DACH2: variants seen among roughly 807,000 people sequenced by gnomAD.
DACH2 encodes the protein dachshund family transcription factor 2.
In DACH2, 17 loss-of-function variants were observed where a neutral mutation model predicts 35.8. The observed-to-expected ratio is 0.48, with a 90% confidence interval of 0.33 to 0.71. The LOEUF is 0.71. Among genes scored for constraint, DACH2 ranks in the 30% least tolerant of loss-of-function variants. DACH2 has a pLI of 0.02. For synonymous variants in DACH2, 195 were observed against 177.3 expected (o/e 1.10, Z -0.79); for missense variants, 469 against 472.7 (o/e 0.99, Z 0.07).
intron 2 of DACH2, among the ~76,000 whole-genome samples, chrX:86,467,299 G>A (rs1400588112): frequency 1.8e-5 from 2 of 111,097 alleles, no homozygotes; most frequent in Non-Finnish European, 3.8e-5. Flanking sequence ...TAGGGCAGGG[G>A]CAACATGCTG....
chrX:86,189,370 G>C (rs773932734), intron 1 of DACH2, among the ~76,000 whole-genome samples: 1 of 111,785 alleles, frequency 8.9e-6, no homozygotes, highest in African/African-American at 3.3e-5. Flanking sequence ...TGGTGTGTTT[G>C]GGGGTGTTTG....
At chrX:86,207,487 C>T (rs2032341631) in intron 1 of DACH2, among the ~76,000 whole-genome samples, 1 of 110,629 alleles carries the variant, frequency 9.0e-6, no homozygotes, top group Admixed American at 9.7e-5. Context: ...GTGATTATTA[C>T]ACATTGTGTG....
At chrX:86,437,094 C>A (rs984305822) in intron 2 of DACH2, among the ~76,000 whole-genome samples, 3 of 111,142 alleles carry the variant, frequency 2.7e-5, no homozygotes, top group Non-Finnish European at 5.7e-5. Context: ...CCAGAAACAG[C>A]TTTTCTATTC....
At chrX:86,502,615 G>A (rs975710753) in intron 2 of DACH2, among the ~76,000 whole-genome samples, 5 of 112,029 alleles carry the variant, frequency 4.5e-5, no homozygotes, top group African/African-American at 1.6e-4. Context: ...ATATAAAGGT[G>A]TATTTTTATC....
chrX:86,405,062 G>A (rs1260226731), intron 2 of DACH2, among the ~76,000 whole-genome samples: 1 of 111,402 alleles, frequency 9.0e-6, no homozygotes, highest in Admixed American at 9.5e-5. Context: ...GCTGCACATG[G>A]CAGGGGTTCC....
chrX:86,481,094 A>G (rs1470054012), intron 2 of DACH2: 1 of 112,074 alleles, frequency 8.9e-6, no homozygotes, highest in African/African-American at 3.2e-5. Flanking sequence ...TGTCTTCTCT[A>G]CAAGGCATGC....
chrX:86,302,654 G>A lies in DACH2; in HGVS notation c.489-74170G>A, dbSNP rs533317600. 8.1e-5 allele frequency among the ~76,000 whole-genome samples: 9 copies of A among 110,758 alleles called. No individual in the cohort carries two copies. The South Asian group carries it at 3.4e-3, about 42-fold the overall frequency. On this transcript the variant is annotated intron_variant, in intron 1 of 11. Transcript: ENST00000373125. ...GTTAAAAGGACTGATTTCTTTGAGA[G>A]AAGTTTGAAAGTAGTATACAATAGC...
At chrX:86,619,593 T>C (rs2040045757) in intron 3 of DACH2, among the ~76,000 whole-genome samples, 1 of 112,129 alleles carries the variant, frequency 8.9e-6, no homozygotes, top group Admixed American at 9.5e-5. Context: ...TGAGATTTCT[T>C]CAAGCCATAG....
intron 7 of DACH2, among the ~76,000 whole-genome samples, chrX:86,800,476 A>T (rs1408191667): frequency 9.0e-6 from 1 of 111,692 alleles, no homozygotes; most frequent in Non-Finnish European, 1.9e-5. Flanking sequence ...GAATTATTTT[A>T]TTATTATTTT....
chrX:86,821,382 G>A (rs1235792958), intron 11 of DACH2, among the ~76,000 whole-genome samples: 2 of 110,791 alleles, frequency 1.8e-5, no homozygotes, highest in African/African-American at 6.6e-5. Context: ...TTATTTCCTA[G>A]AGAAACTTTA....
intron 7 of DACH2, among the ~76,000 whole-genome samples, chrX:86,741,677 C>T (rs993550571): frequency 1.8e-5 from 2 of 111,246 alleles, no homozygotes; most frequent in East Asian, 2.8e-4. Context: ...AATGAGTGAC[C>T]GCTAATGAAT....
intron 2 of DACH2, among the ~76,000 whole-genome samples, chrX:86,418,116 T>C (rs1255224820): frequency 8.9e-6 from 1 of 112,268 alleles, no homozygotes; most frequent in Non-Finnish European, 1.9e-5. Flanking sequence ...GTGCCCATGG[T>C]CTTGGACAGC....
chrX:86,743,635 A>G (rs2041680356), intron 7 of DACH2, among the ~76,000 whole-genome samples: 1 of 111,547 alleles, frequency 9.0e-6, no homozygotes, highest in Non-Finnish European at 1.9e-5. Context: ...ATAATTACCT[A>G]GATGAGCATT....
intron 2 of DACH2, among the ~76,000 whole-genome samples, chrX:86,433,416 G>A (rs2037016308): frequency 2.7e-5 from 3 of 111,423 alleles, no homozygotes; most frequent in South Asian, 3.7e-4. Context: ...GTAAGTCTTA[G>A]GATATGTCCA....
intron 3 of DACH2, among the ~76,000 whole-genome samples, chrX:86,631,490 G>A (rs2040200432): frequency 8.9e-6 from 1 of 111,816 alleles, no homozygotes; most frequent in Admixed American, 9.5e-5. Flanking sequence ...GCTAACACAT[G>A]GTACTTGACA....
At chrX:86,542,814 A>G (rs1397530406) in intron 3 of DACH2, among the ~76,000 whole-genome samples, 2 of 111,789 alleles carry the variant, frequency 1.8e-5, no homozygotes, top group Non-Finnish European at 3.8e-5. Context: ...CTCAGACATC[A>G]CAAGATTCAT....
chrX:86,282,939 G>T (rs1169834765), intron 1 of DACH2, among the ~76,000 whole-genome samples: 1 of 43,256 alleles, frequency 2.3e-5, no homozygotes, highest in Non-Finnish European at 3.5e-5. Flanking sequence ...CACTACGCCC[G>T]GCTAATTTTT....
intron 3 of DACH2, among the ~76,000 whole-genome samples, chrX:86,633,410 G>T (rs752576901): frequency 9.0e-6 from 1 of 111,399 alleles, no homozygotes; most frequent in South Asian, 3.8e-4. Context: ...AGGAAGAAAT[G>T]CTGGACAGAC....
intron 4 of DACH2, 72 bp downstream of exon 4, chrX:86,651,239 A>C (rs1214001419): frequency 1.9e-6 from 2 of 1,039,918 alleles, no homozygotes; most frequent in Non-Finnish European, 2.6e-6. Context: ...AGGTGGGATG[A>C]GGATGGAGGA....
Sources: allele counts gnomAD v4.1 joint callset (sites outside exome capture counted in the v4.1 genomes callset), GRCh38; gene constraint gnomAD v4.1.1; transcripts MANE v1.5; gene names NCBI Gene and HGNC (gene_info 2026-07-23, HGNC 2026-07-21).